The following FN1 variants were observed in gnomAD, a reference collection of about 807,000 sequenced individuals.
The protein encoded by FN1 is fibronectin.
Under a neutral mutation model 297.3 loss-of-function variants are expected in FN1, and 106 were observed. That is an observed-to-expected ratio of 0.36 (90% CI 0.30 to 0.42). FN1 has a LOEUF of 0.42. FN1 is among the 10% of genes least tolerant of loss of function. The pLI, the probability that FN1 is intolerant of heterozygous loss-of-function variation, is 1.00. For missense variants in FN1, 2,690 were observed against 3,124.9 expected, an observed-to-expected ratio of 0.86 and a Z score of 3.32; for synonymous variants, 1,149 against 1,152.6, an observed-to-expected ratio of 1.00 and a Z score of 0.06.
chr2:215,418,630 T>C (rs1467697519), intron 12 of FN1, among the ~76,000 whole-genome samples: 1 of 152,160 alleles, frequency 6.6e-6, no homozygotes, highest in African/African-American at 2.4e-5. Context: ...AATGAACTAA[T>C]TACACCTACA....
At chr2:215,422,658 A>G (rs757595467) in intron 9 of FN1, among the ~76,000 whole-genome samples, 3 of 152,212 alleles carry the variant, frequency 2.0e-5, no homozygotes, top group Non-Finnish European at 2.9e-5. Context: ...TAAACTCAGC[A>G]TCTTCTTTTG....
chr2:215,388,171 G>T, intron 27 of FN1, 41 bp downstream of exon 27: 1 of 1,400,448 alleles, frequency 7.1e-7, no homozygotes, highest in South Asian at 1.2e-5. Flanking sequence ...AGAATTGATA[G>T]GCAAAAGCTA....
intron 20 of FN1, among the ~76,000 whole-genome samples, chr2:215,402,177 A>G (rs1450170849): frequency 6.6e-6 from 1 of 152,146 alleles, no homozygotes; most frequent in Non-Finnish European, 1.5e-5. Context: ...GGGCTTTAAG[A>G]CTAGGTATTT....
intron 6 of FN1, among the ~76,000 whole-genome samples, chr2:215,427,931 T>A (rs2065784660): frequency 6.6e-6 from 1 of 152,234 alleles, no homozygotes; most frequent in Non-Finnish European, 1.5e-5. Flanking sequence ...CTCAGTTTTA[T>A]CTTTTGGAGA....
chr2:215,373,205 T>TA (rs1033982994), intron 39 of FN1, 117 bp downstream of exon 39: 74 of 789,890 alleles, frequency 9.4e-5, no homozygotes, highest in South Asian at 4.0e-4. Flanking sequence ...TGCTGTTAGA[T>TA]AAAAAAAATC....
chr2:215,403,470 T>C (rs149398898), intron 20 of FN1, among the ~76,000 whole-genome samples: 2,507 of 152,274 alleles, frequency 0.016, 36 homozygotes, highest in Non-Finnish European at 0.027. Context: ...TCTTAGAAAA[T>C]TGCAAACTAG....
chr2:215,387,873 C>T (rs998797006), intron 27 of FN1, among the ~76,000 whole-genome samples: 3 of 152,048 alleles, frequency 2.0e-5, no homozygotes, highest in Non-Finnish European at 4.4e-5. Context: ...TAAAGGAAGA[C>T]AAATAGATGA....
chr2:215,429,355 G>C (rs1162936208), intron 5 of FN1, among the ~76,000 whole-genome samples: 1 of 152,184 alleles, frequency 6.6e-6, no homozygotes, highest in Non-Finnish European at 1.5e-5. Flanking sequence ...GTCTATGCGT[G>C]CATTTATCTG....
At chr2:215,429,056 A>T (rs2066004975) in intron 5 of FN1, among the ~76,000 whole-genome samples, 1 of 151,858 alleles carries the variant, frequency 6.6e-6, no homozygotes. Context: ...ACAAGCAAAC[A>T]AAAAAAAGCT....
At chr2:215,386,568 A>ATTTTT (rs5838504) in intron 28 of FN1, 121 bp downstream of exon 28, 2 of 337,220 alleles carry the variant, frequency 5.9e-6, no homozygotes, top group African/African-American at 4.2e-5. Context: ...ACAATGATCT[A>ATTTTT]TTTTTTTTTT....
chr2:215,377,067 T>TGAGA (rs201766014), intron 35 of FN1, among the ~76,000 whole-genome samples: 31 of 139,218 alleles, frequency 2.2e-4, no homozygotes, highest in African/African-American at 8.2e-4. Context: ...TATGTGTGTG[T>TGAGA]GAGAGAGAGA....
At chr2:215,410,152 CGTGTTT>C in intron 13 of FN1, 38 bp from the exon 14 acceptor site, 1 of 1,456,548 alleles carries the variant, frequency 6.9e-7, no homozygotes, top group Non-Finnish European at 9.4e-7. Flanking sequence ...CACACACACA[CGTGTTT>C]ACAAGGATGA....
At chr2:215,412,478 C>G (rs2106328048) in intron 13 of FN1, among the ~76,000 whole-genome samples, 1 of 152,092 alleles carries the variant, frequency 6.6e-6, no homozygotes, top group South Asian at 2.1e-4. Flanking sequence ...TCTCTGTCTC[C>G]CAGGCTGGAG....
Position 215,383,435 on chromosome 2 carries a change from C to T in FN1, c.4943G>A (p.Ser1648Asn), listed in dbSNP as rs759439230. The T allele has an allele frequency of 1.2e-6, 2 of 1,614,150 alleles. No homozygotes were observed. The stretch of plus-strand genomic sequence containing the variant: ...TGAAGGCAGCCACTTGACACTAATG[C>T]TGTTGTCCTGAACATCGGTCACTTG... ...QMQVTDVQDN[S>N]ISVKWLPSSS... is the part of the protein sequence containing the mutation. Residue 1648 changes from serine (S) to asparagine (N), a missense_variant, in exon 31 of 46, where the codon AGC (serine) becomes AAC (asparagine). Coordinates refer to ENST00000354785, the MANE Select transcript of FN1 (RefSeq NM_212482.4).
chr2:215,378,978 A>G, intron 34 of FN1, 152 bp downstream of exon 34: 1 of 791,492 alleles, frequency 1.3e-6, no homozygotes, highest in South Asian at 1.6e-5. Context: ...GTCAACATAA[A>G]GGAATTCCGT....
intron 19 of FN1, 21 bp downstream of exon 19, chr2:215,406,217 T>G (rs781517590): frequency 1.2e-6 from 2 of 1,612,614 alleles, no homozygotes; most frequent in Admixed American, 1.7e-5. Context: ...GGAGGGGAGA[T>G]AGAGATAGGA....
intron 39 of FN1, 127 bp downstream of exon 39, chr2:215,373,195 T>C (rs1001243031): frequency 1.1e-5 from 8 of 733,798 alleles, no homozygotes; most frequent in Admixed American, 9.5e-5. Context: ...ATATACACTA[T>C]GCTGTTAGAT....
chr2:215,380,786 C>A, intron 33 of FN1, 25 bp downstream of exon 33: 1 of 1,612,240 alleles, frequency 6.2e-7, no homozygotes, highest in Non-Finnish European at 8.5e-7. Flanking sequence ...CCCATGGGCA[C>A]CTGGTGGTGC....
chr2:215,435,833 C>A lies in FN1; in HGVS notation c.-31G>T. 6.6e-7 allele frequency: 1 copy of A among 1,519,198 alleles called. No individual in the cohort carries two copies. The highest frequency in any genetic ancestry group is 8.8e-7 in the Non-Finnish European group (1 of 1,134,934). The allele number at this position is 1,519,198 out of a possible 1,614,324, so 94.1% of individuals were successfully genotyped here. ...GACGGTGGGGGAGAGACGCCCGCACCGGGAGGCAAGTTGCCACCAAGTTTG... is the reference window on the plus strand; with the variant it reads ...GACGGTGGGGGAGAGACGCCCGCACAGGGAGGCAAGTTGCCACCAAGTTTG... On this transcript the variant is annotated 5_prime_UTR_variant, in exon 1 of 46. Transcript: ENST00000354785.
Sources: allele counts gnomAD v4.1 joint callset (sites outside exome capture counted in the v4.1 genomes callset), GRCh38; gene constraint gnomAD v4.1.1; transcripts MANE v1.5; gene names NCBI Gene and HGNC (gene_info 2026-07-23, HGNC 2026-07-21).